Variants in PITPNM2 observed in about 807,000 individuals in gnomAD.
The protein encoded by PITPNM2 is membrane-associated phosphatidylinositol transfer protein 2.
PITPNM2 carries 35 observed loss-of-function variants against 132.2 expected under a neutral mutation model. The observed-to-expected ratio is 0.26, with a 90% CI of 0.20 to 0.35. The LOEUF (loss-of-function observed/expected upper bound fraction) is 0.35. PITPNM2 is among the 10% of genes least tolerant of loss of function. The pLI is 1.00. For synonymous variants in PITPNM2, 738 were observed against 799.2 expected (o/e 0.92, Z 1.29); for missense variants, 1,332 against 1,912.0 (o/e 0.70, Z 5.66).
intron 2 of PITPNM2, among the ~76,000 whole-genome samples, chr12:123,055,977 TCATACTCCACCAGCCAATGTC>T (rs773588488): frequency 4.6e-5 from 7 of 152,188 alleles, no homozygotes; most frequent in Non-Finnish European, 1.0e-4. Context: ...TATGATGTGT[TCATACTCCACCAGCCAATGTC>T]CTGCCTCTGC....
chr12:123,080,871 C>A (rs577625904), intron 2 of PITPNM2, among the ~76,000 whole-genome samples: 65 of 152,332 alleles, frequency 4.3e-4, no homozygotes, highest in African/African-American at 1.4e-3. Context: ...AGAACTTTCC[C>A]CAGTGATGAA....
chr12:122,988,497 C>T, intron 19 of PITPNM2, 147 bp from the exon 20 acceptor site: 1 of 796,658 alleles, frequency 1.3e-6, no homozygotes, highest in Non-Finnish European at 2.1e-6. Flanking sequence ...GCCCAGTAGC[C>T]CTCAGACCCC....
At chr12:123,149,309 C>T (rs2043681099) in intron 1 of PITPNM2, among the ~76,000 whole-genome samples, 1 of 152,220 alleles carries the variant, frequency 6.6e-6, no homozygotes, top group Admixed American at 6.5e-5. Flanking sequence ...TGGCCATCTT[C>T]AGGGCAGAGG....
chr12:123,034,319 T>C (rs641760), intron 3 of PITPNM2, 194 bp downstream of exon 3: 418,116 of 534,838 alleles, frequency 0.78, 164,203 homozygotes, highest in East Asian at 0.87. Flanking sequence ...TCTGATGCCG[T>C]GCGCCCATGG....
chr12:123,078,835 C>T lies in PITPNM2; in HGVS notation c.-96+31550G>A, dbSNP rs562842929. Among the ~76,000 whole-genome samples the T allele has an allele frequency of 1.3e-5, 2 of 152,310 alleles. No individual in the cohort carries two copies. The highest frequency in any genetic ancestry group is 3.4e-3 in the Middle Eastern group (1 of 294). On this transcript the variant is annotated intron_variant, in intron 2 of 25. Coordinates refer to ENST00000320201, the MANE Select transcript of PITPNM2 (RefSeq NM_020845.3). The surrounding 1 kb of genome is among the most constrained non-coding windows in gnomAD (Gnocchi z 7.3). ...CCAGCCTCACTGCTGCAGCTGCCCA[C>T]GTCCCAGCTTCGATACTGGCTTCAG...
At chr12:123,140,581 C>T (rs144786252) in intron 1 of PITPNM2, among the ~76,000 whole-genome samples, 1 of 152,130 alleles carries the variant, frequency 6.6e-6, no homozygotes, top group Non-Finnish European at 1.5e-5. Flanking sequence ...TGCCCCACCC[C>T]CTAACAGAAA....
intron 18 of PITPNM2, 98 bp from the exon 19 acceptor site, chr12:122,988,970 TC>T: frequency 4.6e-6 from 6 of 1,295,722 alleles, no homozygotes; most frequent in South Asian, 3.7e-5. Context: ...CCCAGCACAG[TC>T]CCCCCACCAG....
In PITPNM2 at chr12:123,037,642, C is replaced by G. The variant is rs901892830; in HGVS notation, c.-95-2957G>C. 2.8e-4 allele frequency among the ~76,000 whole-genome samples: 43 copies of G among 152,196 alleles called. 1 individual carries two copies. The highest frequency in any genetic ancestry group is 1.0e-4 in the Non-Finnish European group (7 of 68,036). On this transcript the variant is annotated intron_variant, in intron 2 of 25. Transcript: ENST00000320201. ...CTGCCCTTTGGGAGTCTTAACCCCT[C>G]CAGCGTACATGACCTGCCCTGCTCA...
At chr12:123,089,996 G>C (rs577092342) in intron 2 of PITPNM2, 3 of 152,306 alleles carry the variant, frequency 2.0e-5, no homozygotes, top group African/African-American at 7.2e-5. Flanking sequence ...TATTATTCTT[G>C]GAGTTATCTA....
At chr12:123,090,833 T>C (rs572139818) in intron 2 of PITPNM2, 11 of 152,412 alleles carry the variant, frequency 7.2e-5, no homozygotes, top group African/African-American at 1.9e-4. Context: ...CACAGCCACA[T>C]TGTGGTCTTC....
rs1469126167 is a variant in PITPNM2 at position 123,106,461 on chromosome 12, C to T, written c.-96+3924G>A. Among the ~76,000 whole-genome samples, 1 of 152,058 alleles carries T rather than the reference C, an allele frequency of 6.6e-6. No homozygotes were observed. The highest frequency in any genetic ancestry group is 2.4e-5 in the African/African-American group (1 of 41,408). ...AGTACATTCTCAGGAAGACATGCTG[C>T]ATCAGAGCAAACAAGGCAAATGCAG... On this transcript the variant is annotated intron_variant, in intron 2 of 25. Coordinates refer to ENST00000320201, the MANE Select transcript of PITPNM2 (RefSeq NM_020845.3). This position sits in a 1 kb window ranked among gnomAD's most constrained non-coding sequence, Gnocchi z 4.4.
rs994498488 is a variant in PITPNM2 at position 123,111,912 on chromosome 12, G to A, written c.-199-1424C>T. Among the ~76,000 whole-genome samples, 2 of 152,160 alleles carry A rather than the reference G, an allele frequency of 1.3e-5. No homozygotes were observed. The highest frequency in any genetic ancestry group is 4.8e-5 in the African/African-American group (2 of 41,428). ...GCAACTCTGAAGTCTCCCCATGTTC[G>A]AGGTGAGGAAAGCTGTTGAGAGGGT... On this transcript the variant is annotated intron_variant, in intron 1 of 25. Transcript: ENST00000320201. The surrounding 1 kb of genome is among the most constrained non-coding windows in gnomAD (Gnocchi z 4.1).
chr12:123,035,031 G>A (rs1291241972), intron 2 of PITPNM2, among the ~76,000 whole-genome samples: 6 of 152,154 alleles, frequency 3.9e-5, no homozygotes, highest in Admixed American at 6.5e-5. Context: ...CTATTTCCCC[G>A]GTACTGACAC....
chr12:123,037,625 T>A (rs1039178091), intron 2 of PITPNM2, among the ~76,000 whole-genome samples: 2 of 152,198 alleles, frequency 1.3e-5, no homozygotes, highest in Non-Finnish European at 2.9e-5. Flanking sequence ...TTCTGCCCTT[T>A]GGGAGTCTTA....
intron 1 of PITPNM2, among the ~76,000 whole-genome samples, chr12:123,141,310 G>A (rs932250915): frequency 6.6e-6 from 1 of 152,196 alleles, no homozygotes; most frequent in African/African-American, 2.4e-5. Flanking sequence ...GAAGCACAAT[G>A]GGCAGAAGTA....
chr12:123,122,744 G>A (rs2043056825), intron 1 of PITPNM2, among the ~76,000 whole-genome samples: 1 of 152,150 alleles, frequency 6.6e-6, no homozygotes, highest in Admixed American at 6.5e-5. Context: ...TGTGCAAGCT[G>A]GCAGCTAATG....
intron 1 of PITPNM2, among the ~76,000 whole-genome samples, chr12:123,121,065 C>A (rs2043023543): frequency 1.3e-5 from 2 of 152,216 alleles, no homozygotes; most frequent in Admixed American, 6.5e-5. Context: ...AGCCCAGGCT[C>A]CTTCTCTGGG....
At position 123,023,724 on chromosome 12, in the gene PITPNM2, A is replaced by G. The variant is rs1166948378; in HGVS notation, c.79-9682T>C. ...ATAAGTCCTATGAACTTGAACTGGC[A>G]ATCGTTTTGGAGCCATGACACCAAA... On this transcript the variant is annotated intron_variant, in intron 3 of 25. Transcript: ENST00000320201. This position sits in a 1 kb window ranked among gnomAD's most constrained non-coding sequence, Gnocchi z 4.8. Among the ~76,000 whole-genome samples the G allele has an allele frequency of 6.6e-6, 1 of 152,230 alleles. No individual in the cohort carries two copies. The highest frequency in any genetic ancestry group is 1.5e-5 in the Non-Finnish European group (1 of 68,030).
chr12:123,076,364 G>A (rs140050180), intron 2 of PITPNM2, among the ~76,000 whole-genome samples: 3 of 152,256 alleles, frequency 2.0e-5, no homozygotes, highest in Non-Finnish European at 4.4e-5. Flanking sequence ...GGTCTCTGGG[G>A]GGCTCAAAGG....
Sources: gnomAD v4.1 joint callset for allele counts (sites outside exome capture counted in the v4.1 genomes callset) on GRCh38, gnomAD v4.1.1 for gene constraint, Gnocchi (gnomAD v3.1) non-coding constraint, MANE v1.5 for transcripts, NCBI Gene and HGNC (gene_info 2026-07-23, HGNC 2026-07-21) for gene names.